KCNQ5: variants seen among roughly 807,000 people sequenced by gnomAD.
The protein encoded by KCNQ5 is potassium voltage-gated channel subfamily Q member 5, also known as potassium voltage-gated channel subfamily KQT member 5.
Under a neutral mutation model 98.2 loss-of-function variants are expected in KCNQ5, and 30 were observed. That is an observed-to-expected ratio of 0.31 (90% CI 0.23 to 0.41). KCNQ5 has a LOEUF of 0.41. Ranked by LOEUF, KCNQ5 falls within the 10% of genes least tolerant of loss-of-function variation. The pLI, the probability that KCNQ5 is intolerant of heterozygous loss-of-function variation, is 1.00. For synonymous variants in KCNQ5, 458 were observed against 449.4 expected (o/e 1.02, Z -0.24); for missense variants, 835 against 1,182.5 (o/e 0.71, Z 4.31).
chr6:72,743,315 T>C (rs1171926950), intron 1 of KCNQ5, among the ~76,000 whole-genome samples: 2 of 151,576 alleles, frequency 1.3e-5, no homozygotes, highest in Non-Finnish European at 2.9e-5. Context: ...TGAAATATTT[T>C]ATAATATACA....
intron 2 of KCNQ5, among the ~76,000 whole-genome samples, chr6:73,034,860 T>TTTTTA (rs1562139229): frequency 1.3e-4 from 16 of 127,318 alleles, no homozygotes; most frequent in Admixed American, 1.6e-4. Context: ...TTTTTTTTTT[T>TTTTTA]TTTGAGACAG....
At chr6:72,721,113 C>G (rs1377220917) in intron 1 of KCNQ5, among the ~76,000 whole-genome samples, 1 of 152,080 alleles carries the variant, frequency 6.6e-6, no homozygotes, top group Non-Finnish European at 1.5e-5. Context: ...TACACCTCAG[C>G]TTTCTGATCT....
intron 1 of KCNQ5, among the ~76,000 whole-genome samples, chr6:72,866,807 C>T (rs1477025512): frequency 3.3e-4 from 50 of 152,166 alleles, no homozygotes; most frequent in Non-Finnish European, 4.4e-5. Context: ...GGACCTTGAA[C>T]CTCATAACCT....
chr6:72,883,887 A>G (rs1410396048), intron 1 of KCNQ5, among the ~76,000 whole-genome samples: 4 of 152,204 alleles, frequency 2.6e-5, no homozygotes, highest in Non-Finnish European at 5.9e-5. Flanking sequence ...AATGCCAAAG[A>G]AGTACAAGTA....
intron 1 of KCNQ5, among the ~76,000 whole-genome samples, chr6:72,847,469 A>G (rs1304937572): frequency 1.3e-5 from 2 of 152,202 alleles, no homozygotes; most frequent in African/African-American, 2.4e-5. Context: ...CAGAGTCTTT[A>G]TATGGTTGTG....
At chr6:73,036,332 G>A (rs2150353105) in intron 2 of KCNQ5, among the ~76,000 whole-genome samples, 1 of 145,754 alleles carries the variant, frequency 6.9e-6, no homozygotes, top group Non-Finnish European at 1.5e-5. Flanking sequence ...CTTGCAGTGA[G>A]CCGAGATCGC....
intron 1 of KCNQ5, among the ~76,000 whole-genome samples, chr6:72,976,258 C>T (rs2150290749): frequency 6.6e-6 from 1 of 152,130 alleles, no homozygotes; most frequent in African/African-American, 2.4e-5. Context: ...TCATTATTTG[C>T]CTAATAAATT....
intron 10 of KCNQ5, among the ~76,000 whole-genome samples, chr6:73,158,780 TATA>T (rs1340469184): frequency 6.6e-6 from 1 of 152,202 alleles, no homozygotes; most frequent in Non-Finnish European, 1.5e-5. Flanking sequence ...TGTACATAGT[TATA>T]ATCAACATAA....
At chr6:72,803,772 TTTTAA>T (rs895813699) in intron 1 of KCNQ5, among the ~76,000 whole-genome samples, 1 of 152,174 alleles carries the variant, frequency 6.6e-6, no homozygotes, top group Non-Finnish European at 1.5e-5. Flanking sequence ...TTCCTCATCT[TTTTAA>T]TTTTCCTGAA....
At chr6:72,886,099 G>A (rs1778833908) in intron 1 of KCNQ5, among the ~76,000 whole-genome samples, 1 of 152,328 alleles carries the variant, frequency 6.6e-6, no homozygotes, top group African/African-American at 2.4e-5. Context: ...GCTAGCATGA[G>A]TGAGGGTCAG....
At chr6:72,684,653 A>G (rs1476264363) in intron 1 of KCNQ5, among the ~76,000 whole-genome samples, 1 of 152,228 alleles carries the variant, frequency 6.6e-6, no homozygotes, top group Non-Finnish European at 1.5e-5. Context: ...TGCACTTGGA[A>G]TGGGCCTTTG....
rs1261846599 is a variant in KCNQ5 at position 73,042,018 on chromosome 6, G to A, written c.572G>A (p.Trp191Ter). The change falls in exon 3 of 14, where the codon TGG (tryptophan) becomes TAG (stop). Residue 191 changes from tryptophan to a stop codon, truncating the protein, a stop_gained. Transcript: ENST00000370398. LOFTEE classifies it high-confidence loss of function. The stretch of plus-strand genomic sequence containing the variant: ...GGTTGCTGTTGTCGATATAGAGGAT[G>A]GCAAGGAAGACTGAGGTTTGCTCGA... ...SAGCCCRYRG[W>*]QGRLRFARKP... is the part of the protein sequence containing the mutation. 1 of 1,613,886 alleles carries A rather than the reference G, an allele frequency of 6.2e-7. No individual in the cohort carries two copies. The highest frequency in any genetic ancestry group is 8.5e-7 in the Non-Finnish European group (1 of 1,179,804).
intron 10 of KCNQ5, chr6:73,157,890 AT>A: frequency 2.6e-6 from 2 of 777,354 alleles, no homozygotes. Context: ...CGTTCAGCGC[AT>A]TTTTGGCCGC....
At chr6:73,106,030 T>C (rs1774983681) in intron 6 of KCNQ5, among the ~76,000 whole-genome samples, 1 of 152,162 alleles carries the variant, frequency 6.6e-6, no homozygotes, top group African/African-American at 2.4e-5. Flanking sequence ...AGTTCTTGCT[T>C]TTGTTCGCTC....
chr6:73,151,034 T>C (rs1777128406), intron 10 of KCNQ5, among the ~76,000 whole-genome samples: 1 of 152,170 alleles, frequency 6.6e-6, no homozygotes. Flanking sequence ...GGCAGTGATA[T>C]TGCACTATAC....
rs550357771 is a variant in KCNQ5 at position 73,067,255 on chromosome 6, T to C, written c.617-10067T>C. On this transcript the variant is annotated intron_variant, in intron 3 of 13. Transcript: ENST00000370398. ...AGTGCTCTGGAAACAGAAATTAGTT[T>C]GATTTTTGGCTCCATTTACCAGCTA... Among the ~76,000 whole-genome samples, 12 of 152,298 alleles carry C rather than the reference T, an allele frequency of 7.9e-5. No individual in the cohort carries two copies. In the South Asian group the frequency reaches 1.2e-3, roughly 16 times the overall value.
chr6:73,118,695 G>A (rs1775612104), intron 7 of KCNQ5, among the ~76,000 whole-genome samples: 1 of 152,152 alleles, frequency 6.6e-6, no homozygotes, highest in Non-Finnish European at 1.5e-5. Flanking sequence ...AATCATGACT[G>A]ATGTGTTATG....
intron 5 of KCNQ5, among the ~76,000 whole-genome samples, chr6:73,081,814 C>T (rs1296914771): frequency 6.6e-6 from 1 of 152,000 alleles, no homozygotes; most frequent in African/African-American, 2.4e-5. Context: ...CTGACCATAG[C>T]CTCAGCCATC....
intron 1 of KCNQ5, among the ~76,000 whole-genome samples, chr6:72,970,617 C>A (rs938662840): frequency 6.6e-6 from 1 of 152,104 alleles, no homozygotes; most frequent in African/African-American, 2.4e-5. Context: ...GCCACAGTAA[C>A]CAAAACAGCA....
Sources: allele counts gnomAD v4.1 joint callset (sites outside exome capture counted in the v4.1 genomes callset), GRCh38; gene constraint gnomAD v4.1.1; transcripts MANE v1.5; gene names NCBI Gene and HGNC (gene_info 2026-07-23, HGNC 2026-07-21).